The following ADRA1B variants were observed in gnomAD, a reference collection of about 807,000 sequenced individuals.
ADRA1B encodes the protein adrenoceptor alpha 1B.
ADRA1B carries 17 observed loss-of-function variants against 17.9 expected under a neutral mutation model. That is an observed-to-expected ratio of 0.95 (90% confidence interval 0.65 to 1.42). The LOEUF is 1.42. Among genes scored for constraint, ADRA1B ranks in the 40% most tolerant of loss-of-function variants. The pLI is 0.00. For missense variants in ADRA1B, 681 were observed against 722.1 expected (o/e 0.94, Z 0.65); for synonymous variants, 366 against 327.6 (o/e 1.12, Z -1.27).
upstream of ADRA1B, among the ~76,000 whole-genome samples, chr5:159,914,435 C>A (rs1171182926): frequency 1.3e-5 from 2 of 152,196 alleles, no homozygotes; most frequent in Non-Finnish European, 2.9e-5. Context: ...GATAAGCAAA[C>A]CAAGGTTCTG....
chr5:159,934,411 C>A (rs563524784), intron 1 of ADRA1B, among the ~76,000 whole-genome samples: 1 of 152,082 alleles, frequency 6.6e-6, no homozygotes, highest in Non-Finnish European at 1.5e-5. Context: ...CGCCTTCCCA[C>A]CCCCTCGTCT....
intron 1 of ADRA1B, among the ~76,000 whole-genome samples, chr5:159,876,215 G>C (rs919835169): frequency 7.2e-5 from 11 of 152,046 alleles, no homozygotes; most frequent in African/African-American, 2.4e-4. Context: ...AAACAATAAG[G>C]ACTTTTATTA....
rs796233937 is a variant in ADRA1B, at chr5:159,969,521, C to G, written c.950-2358C>G. Among the ~76,000 whole-genome samples, 5 of 152,250 alleles carry G rather than the reference C, an allele frequency of 3.3e-5. No individual in the cohort carries two copies. The South Asian group carries it at 1.0e-3, about 31-fold the overall frequency. Reference sequence around the variant, plus strand: ...ACCACCTCAGAGATTTCCAGCTACTCTCTAGGTCTTGGTGTCTCCACCTGC... The same window carrying G: ...ACCACCTCAGAGATTTCCAGCTACTGTCTAGGTCTTGGTGTCTCCACCTGC... On this transcript the variant is annotated intron_variant, in intron 1 of 1. Transcript: ENST00000306675.
intron 1 of ADRA1B, among the ~76,000 whole-genome samples, chr5:159,897,607 C>T (rs1389943665): frequency 3.3e-5 from 5 of 152,152 alleles, no homozygotes; most frequent in East Asian, 3.8e-4. Context: ...TTCCTAAAAT[C>T]GCTGCCCATT....
At chr5:159,978,051 CTTAATT>C in the ADRA1B span, among the ~76,000 whole-genome samples, 1 of 152,118 alleles carries the variant, frequency 6.6e-6, no homozygotes, top group Non-Finnish European at 1.5e-5. Flanking sequence ...CCCTTTCCCA[CTTAATT>C]TTTCTCCATA....
At chr5:159,919,970 CA>C (rs1192187534) in intron 1 of ADRA1B, among the ~76,000 whole-genome samples, 1 of 152,232 alleles carries the variant, frequency 6.6e-6, no homozygotes, top group African/African-American at 2.4e-5. Flanking sequence ...CTCTAGGCTT[CA>C]GGCCTCACAC....
chr5:159,972,667 G>A lies in ADRA1B; in HGVS notation c.*175G>A. ...TTTTCTGGCAGGGGCATGGGTGCCA[G>A]GTACCACGCGGAAAGCCGGGCCGAG... On this transcript the variant is annotated 3_prime_UTR_variant, in exon 2 of 2. Coordinates refer to ENST00000306675, the MANE Select transcript of ADRA1B (RefSeq NM_000679.4). The A allele has an allele frequency of 1.3e-6, 1 of 762,376 alleles. No homozygotes were observed. The allele number at this position is 762,376 out of a possible 1,614,324, so 47.2% of individuals were successfully genotyped here.
chr5:159,953,306 G>A (rs1755482722), intron 1 of ADRA1B, among the ~76,000 whole-genome samples: 1 of 152,164 alleles, frequency 6.6e-6, no homozygotes, highest in Non-Finnish European at 1.5e-5. Context: ...TTTGCAGTGA[G>A]CCGATCGTGC....
chr5:159,898,780 C>T (rs1308345408), intron 1 of ADRA1B, among the ~76,000 whole-genome samples: 1 of 152,136 alleles, frequency 6.6e-6, no homozygotes, highest in Non-Finnish European at 1.5e-5. Context: ...CTTCTGAGGA[C>T]AAATTTGAGC....
chr5:159,908,346 C>T (rs1025008180), intron 1 of ADRA1B, among the ~76,000 whole-genome samples: 2 of 152,158 alleles, frequency 1.3e-5, no homozygotes, highest in Non-Finnish European at 2.9e-5. Context: ...TTTATTTGGC[C>T]CCATCAAGTC....
chr5:159,960,054 G>A (rs137905214), intron 1 of ADRA1B, among the ~76,000 whole-genome samples: 20 of 152,248 alleles, frequency 1.3e-4, no homozygotes, highest in East Asian at 3.9e-4. Context: ...GGCGTTACAC[G>A]AGGCACCCTC....
intron 1 of ADRA1B, among the ~76,000 whole-genome samples, chr5:159,922,433 G>C (rs1754512078): frequency 2.0e-5 from 3 of 152,182 alleles, no homozygotes; most frequent in Non-Finnish European, 4.4e-5. Context: ...CCCTTTTGCT[G>C]TCTGATAGCA....
At chr5:159,967,401 G>C (rs1755794883) in intron 1 of ADRA1B, among the ~76,000 whole-genome samples, 1 of 152,184 alleles carries the variant, frequency 6.6e-6, no homozygotes, top group Non-Finnish European at 1.5e-5. Flanking sequence ...GCTAATCAGA[G>C]CTGAGTTCCT....
At chr5:159,885,060 A>G (rs1205532190) in intron 1 of ADRA1B, among the ~76,000 whole-genome samples, 1 of 152,196 alleles carries the variant, frequency 6.6e-6, no homozygotes, top group Non-Finnish European at 1.5e-5. Context: ...GGTACATTTC[A>G]GCTGCCCTCT....
intron 1 of ADRA1B, chr5:159,950,839 A>G: frequency 1.7e-6 from 1 of 599,440 alleles, no homozygotes; most frequent in Non-Finnish European, 3.1e-6. Flanking sequence ...CAGCTTAGAG[A>G]TGACCCCTAC....
At chr5:159,868,610 A>C (rs763794069) in intron 1 of ADRA1B, 1 of 152,202 alleles carries the variant, frequency 6.6e-6, no homozygotes, top group Non-Finnish European at 1.5e-5. Flanking sequence ...GAAGTCTTGA[A>C]AGCTTTGTGG....
At chr5:159,898,748 G>A (rs1754063049) in intron 1 of ADRA1B, among the ~76,000 whole-genome samples, 1 of 152,212 alleles carries the variant, frequency 6.6e-6, no homozygotes, top group Non-Finnish European at 1.5e-5. Flanking sequence ...TAGAAGCTGA[G>A]AAGAGACTTG....
chr5:159,963,514 C>G (rs1755718053), intron 1 of ADRA1B, among the ~76,000 whole-genome samples: 3 of 152,134 alleles, frequency 2.0e-5, no homozygotes, highest in Admixed American at 1.3e-4. Flanking sequence ...GCAGGTTGGA[C>G]ACAGTCATCA....
At chr5:159,980,896 C>G in the ADRA1B span, among the ~76,000 whole-genome samples, 1 of 151,970 alleles carries the variant, frequency 6.6e-6, no homozygotes, top group African/African-American at 2.4e-5. Context: ...GATGCTTCAA[C>G]TCTCCTGAGA....
Sources: gnomAD v4.1 joint callset for allele counts (sites outside exome capture counted in the v4.1 genomes callset) on GRCh38, gnomAD v4.1.1 for gene constraint, MANE v1.5 for transcripts, NCBI Gene and HGNC (gene_info 2026-07-23, HGNC 2026-07-21) for gene names.